Variants in DLGAP2 observed in about 807,000 individuals in gnomAD.
DLGAP2 encodes the protein disks large-associated protein 2.
Under a neutral mutation model 100.3 loss-of-function variants are expected in DLGAP2, and 26 were observed. That is an observed-to-expected ratio of 0.26 (90% CI 0.19 to 0.36). The LOEUF is 0.36. Among genes scored for constraint, DLGAP2 ranks in the 10% least tolerant of loss-of-function variants. The pLI is 1.00. For synonymous variants in DLGAP2, 886 were observed against 630.1 expected, an observed-to-expected ratio of 1.41 and a Z score of -6.08; for missense variants, 1,858 against 1,453.2, an observed-to-expected ratio of 1.28 and a Z score of -4.53.
intron 2 of DLGAP2, among the ~76,000 whole-genome samples, chr8:1,099,454 A>G (rs1804507401): frequency 1.3e-5 from 2 of 152,242 alleles, no homozygotes; most frequent in Admixed American, 1.3e-4. Flanking sequence ...TACTGGGGCT[A>G]CGTTGCTAAG....
intron 2 of DLGAP2, among the ~76,000 whole-genome samples, chr8:1,142,076 T>G (rs1173680231): frequency 5.6e-5 from 8 of 141,804 alleles, no homozygotes; most frequent in African/African-American, 1.6e-4. Context: ...GTATATAAGT[T>G]TTTTTTTTTG....
chr8:921,918 C>T (rs938347298), intron 2 of DLGAP2, among the ~76,000 whole-genome samples: 1 of 152,240 alleles, frequency 6.6e-6, no homozygotes, highest in Non-Finnish European at 1.5e-5. Flanking sequence ...AAGAACTGGA[C>T]AGCTGCTTCT....
At chr8:1,530,378 C>A (rs1429387572) in intron 4 of DLGAP2, among the ~76,000 whole-genome samples, 1 of 152,258 alleles carries the variant, frequency 6.6e-6, no homozygotes, top group East Asian at 1.9e-4. Flanking sequence ...CACCGGTGGT[C>A]AGAGTTTAAG....
intron 3 of DLGAP2, among the ~76,000 whole-genome samples, chr8:1,484,097 G>A (rs1441488518): frequency 6.6e-6 from 1 of 152,198 alleles, no homozygotes; most frequent in Non-Finnish European, 1.5e-5. Context: ...CTTCCTTCCT[G>A]GGAGCCAGCG....
chr8:1,633,140 A>G, intron 8 of DLGAP2, 94 bp downstream of exon 8: 5 of 1,181,106 alleles, frequency 4.2e-6, no homozygotes, highest in Non-Finnish European at 6.2e-6. Flanking sequence ...GCACCACAGT[A>G]CAATGTACTC....
chr8:1,054,550 A>G (rs930058213), intron 2 of DLGAP2, among the ~76,000 whole-genome samples: 9 of 152,230 alleles, frequency 5.9e-5, no homozygotes, highest in East Asian at 1.9e-4. Flanking sequence ...GCAAATATTT[A>G]TATTTTCTAT....
At chr8:1,480,803 T>C (rs1257899102) in intron 3 of DLGAP2, among the ~76,000 whole-genome samples, 3 of 149,830 alleles carry the variant, frequency 2.0e-5, no homozygotes, top group Non-Finnish European at 4.4e-5. Flanking sequence ...GAGGCAGAGG[T>C]TGCAGTGAGC....
At chr8:1,318,445 T>A (rs949218964) in intron 3 of DLGAP2, among the ~76,000 whole-genome samples, 2 of 150,510 alleles carry the variant, frequency 1.3e-5, no homozygotes, top group African/African-American at 2.4e-5. Context: ...CGTTTCTTCG[T>A]ATCTAGTATA....
chr8:1,484,713 G>C (rs754617077), intron 3 of DLGAP2, among the ~76,000 whole-genome samples: 4 of 152,238 alleles, frequency 2.6e-5, no homozygotes, highest in African/African-American at 7.2e-5. Context: ...AAACTCTTAT[G>C]GGAGATCCAT....
chr8:1,304,675 T>G (rs75608475), intron 3 of DLGAP2, among the ~76,000 whole-genome samples: 2,929 of 152,266 alleles, frequency 0.019, 106 homozygotes, highest in African/African-American at 0.067. Context: ...GTGCTTCTGA[T>G]GAAGTGGCAG....
intron 3 of DLGAP2, among the ~76,000 whole-genome samples, chr8:1,379,419 G>T (rs1475039299): frequency 6.6e-6 from 1 of 152,252 alleles, no homozygotes; most frequent in African/African-American, 2.4e-5. Flanking sequence ...CGGGCAGGGA[G>T]ACTAAATACC....
intron 3 of DLGAP2, among the ~76,000 whole-genome samples, chr8:1,349,522 G>A (rs75931818): frequency 0.22 from 24,126 of 107,554 alleles, 50 homozygotes; most frequent in East Asian, 0.32. Flanking sequence ...GGGTGTTTGA[G>A]GGGGACTGTC....
chr8:1,377,404 C>T (rs186807118), intron 3 of DLGAP2, among the ~76,000 whole-genome samples: 1 of 152,170 alleles, frequency 6.6e-6, no homozygotes, highest in South Asian at 2.1e-4. Flanking sequence ...ATTAGCCAGG[C>T]GAGGTGGCAG....
At chr8:1,062,870 A>G (rs1194314076) in intron 2 of DLGAP2, among the ~76,000 whole-genome samples, 1 of 152,130 alleles carries the variant, frequency 6.6e-6, no homozygotes, top group African/African-American at 2.4e-5. Context: ...TTCAGCTATA[A>G]CCATTTTCCC....
At chr8:1,256,546 G>T (rs1206713980) in intron 2 of DLGAP2, among the ~76,000 whole-genome samples, 2 of 144,006 alleles carry the variant, frequency 1.4e-5, no homozygotes, top group African/African-American at 5.2e-5. Context: ...CCCAGGCGCT[G>T]TGTGTGTGTC....
chr8:1,680,578 G>C (rs535412730), intron 12 of DLGAP2: 1 of 152,230 alleles, frequency 6.6e-6, no homozygotes, highest in Non-Finnish European at 1.5e-5. Context: ...ATGTTGGGGA[G>C]ATGCTGCCTT....
At chr8:1,284,768 C>T (rs1484090699) in intron 3 of DLGAP2, among the ~76,000 whole-genome samples, 1 of 152,186 alleles carries the variant, frequency 6.6e-6, no homozygotes, top group Non-Finnish European at 1.5e-5. Flanking sequence ...GGTGCCACCA[C>T]GCCCAGCTAA....
chr8:1,060,806 G>T (rs1803058147), intron 2 of DLGAP2, among the ~76,000 whole-genome samples: 1 of 152,198 alleles, frequency 6.6e-6, no homozygotes, highest in Admixed American at 6.5e-5. Flanking sequence ...TGACCTCCCT[G>T]TGGGCCTGGG....
chr8:1,205,754 G>A (rs1034486478), intron 2 of DLGAP2, among the ~76,000 whole-genome samples: 9 of 152,142 alleles, frequency 5.9e-5, no homozygotes, highest in African/African-American at 1.7e-4. Flanking sequence ...TGATGGGGGC[G>A]GGAGACATGG....
Sources: allele counts gnomAD v4.1 joint callset (sites outside exome capture counted in the v4.1 genomes callset), GRCh38; gene constraint gnomAD v4.1.1; transcripts MANE v1.5; gene names NCBI Gene and HGNC (gene_info 2026-07-23, HGNC 2026-07-21).